The following CCNY variants were observed in gnomAD, a reference collection of about 807,000 sequenced individuals.
CCNY encodes cyclin Y.
CCNY carries 19 observed loss-of-function variants against 42.8 expected under a neutral mutation model. The ratio of observed to expected loss-of-function variants is 0.44; its 90% CI spans 0.31 to 0.65. CCNY has a LOEUF of 0.65. Among genes scored for constraint, CCNY ranks in the 30% least tolerant of loss-of-function variants. The probability of loss-of-function intolerance (pLI) is 0.07; values close to 1 mark genes in which losing one functional copy is unlikely to be tolerated. For synonymous variants in CCNY, 165 were observed against 162.7 expected (o/e 1.01, Z -0.11); for missense variants, 370 against 437.3 (o/e 0.85, Z 1.37).
intron 8 of CCNY, among the ~76,000 whole-genome samples, chr10:35,565,511 T>TC (rs1841551733): frequency 2.6e-5 from 4 of 152,078 alleles, no homozygotes; most frequent in African/African-American, 7.2e-5. Flanking sequence ...CTGGACACCC[T>TC]CCCCCCATAA....
intron 1 of CCNY, among the ~76,000 whole-genome samples, chr10:35,403,772 A>C (rs989998089): frequency 6.6e-6 from 1 of 152,100 alleles, no homozygotes. Context: ...GCTTGCTGAG[A>C]GATAGTGGAG....
At chr10:35,296,553 C>T (rs1403796072) in intron 3 of CCNY, among the ~76,000 whole-genome samples, 1 of 152,076 alleles carries the variant, frequency 6.6e-6, no homozygotes, top group Non-Finnish European at 1.5e-5. Flanking sequence ...AGCACTCCGG[C>T]CTGGGCCTCA....
At chr10:35,455,966 G>C (rs768957361) in intron 1 of CCNY, among the ~76,000 whole-genome samples, 1 of 151,984 alleles carries the variant, frequency 6.6e-6, no homozygotes, top group Admixed American at 6.6e-5. Flanking sequence ...TTACAGGCAT[G>C]AGCCACCATG....
rs1841657090 is a variant in CCNY, at chr10:35,570,093, T to G, written c.*923T>G. 6.5e-6 allele frequency: 1 copy of G among 152,816 alleles called. No individual in the cohort carries two copies. Among genetic ancestry groups the G allele is most frequent in the Non-Finnish European group, 1.5e-5 (1 of 68,056 alleles). 9.5% of individuals were successfully genotyped at this position (152,816 alleles called of 1,614,324 possible). A position where few individuals can be genotyped will look rare whatever the true frequency, so the allele number is the denominator to read the frequency against. Reference sequence around the variant, plus strand: ...CTGGAACTACCGAGTAGGAGCCATTTCTTTGTACCCCTGCCTAATCCATTC... The same window carrying G: ...CTGGAACTACCGAGTAGGAGCCATTGCTTTGTACCCCTGCCTAATCCATTC... On this transcript the variant is annotated 3_prime_UTR_variant, in exon 10 of 10. Transcript: ENST00000374704.
chr10:35,525,855 G>A, intron 4 of CCNY, 109 bp from the exon 5 acceptor site: 1 of 940,736 alleles, frequency 1.1e-6, no homozygotes, highest in East Asian at 2.5e-5. Flanking sequence ...CAGAAAGATT[G>A]TTAGACTTTT....
At chr10:35,324,839 A>G (rs1564369059) in intron 3 of CCNY, among the ~76,000 whole-genome samples, 1 of 152,222 alleles carries the variant, frequency 6.6e-6, no homozygotes, top group Non-Finnish European at 1.5e-5. Flanking sequence ...AAATTAGCCT[A>G]TATTTATCCT....
chr10:35,552,240 T>G (rs1318342974), intron 7 of CCNY, among the ~76,000 whole-genome samples: 2 of 152,186 alleles, frequency 1.3e-5, no homozygotes, highest in African/African-American at 4.8e-5. Flanking sequence ...CTTGAGGTCA[T>G]TATGCGAAGT....
At chr10:35,430,186 A>C (rs892519873) in intron 1 of CCNY, among the ~76,000 whole-genome samples, 2 of 150,594 alleles carry the variant, frequency 1.3e-5, no homozygotes, top group African/African-American at 4.9e-5. Flanking sequence ...AAATACAAAA[A>C]ATTAGCCGGG....
chr10:35,379,335 G>T (rs570609754), intron 1 of CCNY, among the ~76,000 whole-genome samples: 1 of 152,192 alleles, frequency 6.6e-6, no homozygotes, highest in Admixed American at 6.5e-5. Flanking sequence ...AGTGCCAAAG[G>T]AGGGGGCCCC....
chr10:35,565,349 T>G (rs531924420), intron 8 of CCNY, among the ~76,000 whole-genome samples: 18 of 152,262 alleles, frequency 1.2e-4, no homozygotes, highest in African/African-American at 4.1e-4. Context: ...CAGGCCCCAC[T>G]GCAGACCTAC....
intron 3 of CCNY, among the ~76,000 whole-genome samples, chr10:35,319,883 A>G (rs1267827266): frequency 1.3e-5 from 2 of 151,992 alleles, no homozygotes; most frequent in Non-Finnish European, 2.9e-5. Flanking sequence ...CCGGGAGGCA[A>G]AGGCTGCAGT....
chr10:35,264,023 T>C (rs941683972), intron 3 of CCNY, among the ~76,000 whole-genome samples: 2 of 152,252 alleles, frequency 1.3e-5, no homozygotes, highest in African/African-American at 4.8e-5. Flanking sequence ...TTGCTTTTTA[T>C]GGCTGCATAG....
upstream of CCNY, among the ~76,000 whole-genome samples, chr10:35,333,157 C>G (rs1406921408): frequency 6.6e-6 from 1 of 152,068 alleles, no homozygotes; most frequent in Admixed American, 6.6e-5. Context: ...TCCTAATCCT[C>G]CTCAAGCTTG....
chr10:35,397,836 C>T (rs1837557979), intron 1 of CCNY, among the ~76,000 whole-genome samples: 1 of 152,172 alleles, frequency 6.6e-6, no homozygotes, highest in Non-Finnish European at 1.5e-5. Flanking sequence ...TCCAGTTTCT[C>T]ATTTTGATCC....
chr10:35,310,405 C>T (rs919144593), intron 3 of CCNY, among the ~76,000 whole-genome samples: 2 of 152,110 alleles, frequency 1.3e-5, no homozygotes, highest in African/African-American at 4.8e-5. Flanking sequence ...CTTTGATATG[C>T]GTCTTTCTTT....
chr10:35,314,469 G>A (rs944948992), intron 3 of CCNY: 1 of 152,024 alleles, frequency 6.6e-6, no homozygotes, highest in Non-Finnish European at 1.5e-5. Context: ...CAGGGTCCCA[G>A]CCACAACACG....
At chr10:35,321,743 G>A (rs1266029498) in intron 3 of CCNY, among the ~76,000 whole-genome samples, 1 of 152,054 alleles carries the variant, frequency 6.6e-6, no homozygotes, top group East Asian at 1.9e-4. Flanking sequence ...AAACACAAAG[G>A]ACTTAGAATG....
At chr10:35,311,074 A>G (rs1158905267) in intron 3 of CCNY, among the ~76,000 whole-genome samples, 1 of 152,232 alleles carries the variant, frequency 6.6e-6, no homozygotes, top group Non-Finnish European at 1.5e-5. Flanking sequence ...ACACTTTGGG[A>G]GGCTGAGGCA....
At chr10:35,466,671 C>T (rs1839276500) in intron 1 of CCNY, among the ~76,000 whole-genome samples, 1 of 152,178 alleles carries the variant, frequency 6.6e-6, no homozygotes, top group African/African-American at 2.4e-5. Context: ...TACCTGGCCT[C>T]TGGTGAATGT....
Sources: gnomAD v4.1 joint callset for allele counts (sites outside exome capture counted in the v4.1 genomes callset) on GRCh38, gnomAD v4.1.1 for gene constraint, MANE v1.5 for transcripts, NCBI Gene and HGNC (gene_info 2026-07-23, HGNC 2026-07-21) for gene names.